CLEC16A: variants seen among roughly 807,000 people sequenced by gnomAD.
CLEC16A encodes protein CLEC16A.
Under a neutral mutation model 109.5 loss-of-function variants are expected in CLEC16A, and 51 were observed. That is an observed-to-expected ratio of 0.47 (90% CI 0.37 to 0.59). The LOEUF (loss-of-function observed/expected upper bound fraction) is 0.59. CLEC16A is among the 20% of genes least tolerant of loss of function. CLEC16A has a pLI of 0.00. For synonymous variants in CLEC16A, 673 were observed against 564.2 expected (o/e 1.19, Z -2.73); for missense variants, 1,339 against 1,394.0 (o/e 0.96, Z 0.63).
chr16:11,073,163 C>T (rs184902392), intron 19 of CLEC16A, among the ~76,000 whole-genome samples: 1 of 152,324 alleles, frequency 6.6e-6, no homozygotes, highest in African/African-American at 2.4e-5. Context: ...AGTTGGATTG[C>T]AAGGCGAGTG....
At chr16:11,148,724 G>T (rs76143021) in intron 22 of CLEC16A, among the ~76,000 whole-genome samples, 1 of 152,102 alleles carries the variant, frequency 6.6e-6, no homozygotes, top group African/African-American at 2.4e-5. Context: ...CCCCTGTATG[G>T]CCAGGAAAGC....
chr16:11,154,103 C>T (rs542719321), intron 22 of CLEC16A, among the ~76,000 whole-genome samples: 147 of 152,314 alleles, frequency 9.7e-4, no homozygotes, highest in African/African-American at 3.4e-3. Flanking sequence ...CACACACATG[C>T]GCAGACAGGG....
chr16:11,088,254 T>C (rs1462500790), intron 19 of CLEC16A, among the ~76,000 whole-genome samples: 1 of 152,252 alleles, frequency 6.6e-6, no homozygotes, highest in Non-Finnish European at 1.5e-5. Context: ...TTCATGCTTT[T>C]GAGGCCAGAG....
intron 22 of CLEC16A, among the ~76,000 whole-genome samples, chr16:11,129,749 A>G (rs1597487239): frequency 6.9e-6 from 1 of 145,614 alleles, no homozygotes; most frequent in Non-Finnish European, 1.5e-5. Flanking sequence ...CCGCCACTGC[A>G]TTGGCCTGGT....
At chr16:11,128,963 G>A (rs1289863244) in intron 22 of CLEC16A, among the ~76,000 whole-genome samples, 2 of 152,186 alleles carry the variant, frequency 1.3e-5, no homozygotes, top group East Asian at 1.9e-4. Flanking sequence ...CAGCTTTTTG[G>A]TAGTTTCCTG....
chr16:11,092,905 G>A (rs1339782221), intron 19 of CLEC16A, among the ~76,000 whole-genome samples: 20 of 152,182 alleles, frequency 1.3e-4, no homozygotes. Flanking sequence ...GGTGACTGTC[G>A]TTATCCTCAT....
At chr16:11,076,081 C>G (rs533419899) in intron 19 of CLEC16A, among the ~76,000 whole-genome samples, 14 of 59,186 alleles carry the variant, frequency 2.4e-4, no homozygotes, top group African/African-American at 7.1e-4. Flanking sequence ...GGTGGGGATT[C>G]TAGAAAACTG....
intron 13 of CLEC16A, among the ~76,000 whole-genome samples, chr16:11,033,912 C>G (rs1201136722): frequency 6.6e-6 from 1 of 152,204 alleles, no homozygotes; most frequent in South Asian, 2.1e-4. Context: ...ATCAAGTCCG[C>G]TGAGTCCTGG....
At chr16:11,167,916 G>A (rs768714514) in intron 23 of CLEC16A, among the ~76,000 whole-genome samples, 12 of 152,150 alleles carry the variant, frequency 7.9e-5, no homozygotes, top group Non-Finnish European at 1.3e-4. Flanking sequence ...TCTTGATCCC[G>A]TTTCATGCTT....
At chr16:11,111,803 A>C (rs2051605390) in intron 19 of CLEC16A, among the ~76,000 whole-genome samples, 2 of 152,200 alleles carry the variant, frequency 1.3e-5, no homozygotes, top group Non-Finnish European at 2.9e-5. Context: ...GTTTACCTTA[A>C]TGATTGTAAG....
intron 11 of CLEC16A, among the ~76,000 whole-genome samples, chr16:11,018,303 A>C (rs79443821): frequency 6.6e-6 from 1 of 151,860 alleles, no homozygotes; most frequent in Non-Finnish European, 1.5e-5. Context: ...AAAAAAAAAA[A>C]AACAGGTGAA....
intron 10 of CLEC16A, among the ~76,000 whole-genome samples, chr16:10,992,070 A>G (rs910253886): frequency 2.0e-5 from 3 of 152,222 alleles, no homozygotes; most frequent in African/African-American, 7.2e-5. Context: ...TGGGTTGCTT[A>G]TAACCTGGCC....
intron 1 of CLEC16A, among the ~76,000 whole-genome samples, chr16:10,952,349 C>A (rs1207273499): frequency 6.6e-6 from 1 of 152,174 alleles, no homozygotes; most frequent in Non-Finnish European, 1.5e-5. Context: ...CAAAAATTAG[C>A]TGGGCATGGT....
chr16:11,138,564 T>C (rs1010589024), intron 22 of CLEC16A, among the ~76,000 whole-genome samples: 5 of 152,176 alleles, frequency 3.3e-5, no homozygotes, highest in African/African-American at 1.2e-4. Flanking sequence ...CTTCACTGCA[T>C]GCTCACAGCT....
chr16:11,043,200 C>G (rs975953240), intron 15 of CLEC16A, among the ~76,000 whole-genome samples: 4 of 152,072 alleles, frequency 2.6e-5, no homozygotes, highest in Admixed American at 2.0e-4. Context: ...GAGAGGATCA[C>G]TTGAGGCCAA....
chr16:11,161,737 C>G (rs578234069), intron 22 of CLEC16A, among the ~76,000 whole-genome samples: 1 of 152,206 alleles, frequency 6.6e-6, no homozygotes, highest in African/African-American at 2.4e-5. Flanking sequence ...TGCTGTCCTG[C>G]AGGAATGGGG....
intron 22 of CLEC16A, among the ~76,000 whole-genome samples, chr16:11,159,207 C>T (rs1422521361): frequency 6.6e-6 from 1 of 152,222 alleles, no homozygotes; most frequent in Non-Finnish European, 1.5e-5. Flanking sequence ...CCAGTCTCTA[C>T]CAGGCCCTGC....
chr16:11,137,774 A>C (rs570939491), intron 22 of CLEC16A, among the ~76,000 whole-genome samples: 1 of 151,778 alleles, frequency 6.6e-6, no homozygotes, highest in East Asian at 1.9e-4. Flanking sequence ...GCACCACTGC[A>C]CTCCAGCCTG....
chr16:10,970,827 G>A (rs1384395656), intron 4 of CLEC16A, among the ~76,000 whole-genome samples: 1 of 152,122 alleles, frequency 6.6e-6, no homozygotes, highest in Non-Finnish European at 1.5e-5. Flanking sequence ...TCTCACTGCA[G>A]CCTCCAACTC....
Sources: allele counts gnomAD v4.1 joint callset (sites outside exome capture counted in the v4.1 genomes callset), GRCh38; gene constraint gnomAD v4.1.1; transcripts MANE v1.5; gene names NCBI Gene and HGNC (gene_info 2026-07-23, HGNC 2026-07-21).